The following THAP5 variants were observed in gnomAD, a reference collection of about 807,000 sequenced individuals.
THAP5 encodes the protein THAP domain containing 5.
THAP5 carries 26 observed loss-of-function variants against 34.0 expected under a neutral mutation model. That is an observed-to-expected ratio of 0.77 (90% confidence interval 0.56 to 1.06). THAP5 has a LOEUF of 1.06. THAP5 is among the 50% of genes least tolerant of loss of function. THAP5 has a pLI of 0.00. For synonymous variants in THAP5, 125 were observed against 153.0 expected (o/e 0.82, Z 1.35); for missense variants, 394 against 452.8 (o/e 0.87, Z 1.18).
chr7:108,549,930 T>C (rs1260397417), downstream of THAP5, among the ~76,000 whole-genome samples: 1 of 152,214 alleles, frequency 6.6e-6, no homozygotes, highest in East Asian at 1.9e-4. Context: ...GGGCCCTTCC[T>C]TCACCACCAG....
chr7:108,542,598 A>T, the THAP5 span, among the ~76,000 whole-genome samples: 300 of 151,444 alleles, frequency 2.0e-3, 11 homozygotes, highest in East Asian at 0.056. Flanking sequence ...GAGTAGCTGG[A>T]ATTACAGGCA....
chr7:108,564,337 GA>G lies in THAP5; in HGVS notation c.1041del (p.Leu348Ter), dbSNP rs774428500. The G allele has an allele frequency of 1.1e-5, 18 of 1,613,736 alleles. No homozygotes were observed. The highest frequency in any genetic ancestry group is 1.3e-5 in the Non-Finnish European group (15 of 1,179,886). Reference protein sequence around the residue: ...KVSKLHSKITLLELKEQQTLG... With the variant: ...KVSKLHSKITXLELKEQQTLG... ...AGAGTTTGTTGCTCTTTTAACTCTA[GA>G]AGAGTTATCTTTGAATGTAGCTTAG... is the stretch of plus-strand genomic sequence containing the variant. On this transcript the variant is annotated frameshift_variant, in exon 3 of 3. Transcript: ENST00000415914. LOFTEE classifies it high-confidence loss of function.
downstream of THAP5, among the ~76,000 whole-genome samples, chr7:108,549,826 G>T (rs1864342545): frequency 6.6e-6 from 1 of 152,104 alleles, no homozygotes; most frequent in Non-Finnish European, 1.5e-5. Context: ...CATCTTTGAA[G>T]AACTTTATGT....
chr7:108,559,563 A>G (rs1471354526), downstream of THAP5, among the ~76,000 whole-genome samples: 1 of 152,222 alleles, frequency 6.6e-6, no homozygotes, highest in Non-Finnish European at 1.5e-5. Context: ...TCTACAAAAG[A>G]GATTGTGAAT....
chr7:108,542,229 C>A, the THAP5 span, among the ~76,000 whole-genome samples: 1 of 152,158 alleles, frequency 6.6e-6, no homozygotes, highest in South Asian at 2.1e-4. Flanking sequence ...ACTTGAGTGG[C>A]ATTTTTCCAG....
chr7:108,553,714 G>T (rs1314515753), downstream of THAP5, among the ~76,000 whole-genome samples: 3 of 152,132 alleles, frequency 2.0e-5, no homozygotes, highest in African/African-American at 7.2e-5. Flanking sequence ...CGTAGTAGTG[G>T]CAGAGAACCT....
At position 108,564,848 on chromosome 7, in the gene THAP5, T is replaced by C. The variant is rs1275931473; in HGVS notation, c.531A>G (p.Glu177=). The C allele has an allele frequency of 6.2e-7, 1 of 1,612,372 alleles. No individual in the cohort carries two copies. Among genetic ancestry groups the C allele is most frequent in the Non-Finnish European group, 8.5e-7 (1 of 1,179,012 alleles). ...NLVKQHTGKP[E]STLETSVNQD... ...GGTTAACTGATGTTTCCAAGGTAGATTCTGGTTTCCCAGTATGTTGTTTAA... is the reference window on the plus strand; with the variant it reads ...GGTTAACTGATGTTTCCAAGGTAGACTCTGGTTTCCCAGTATGTTGTTTAA... Residue 177 remains glutamate (E), a synonymous_variant, in exon 3 of 3, where the codon GAA becomes GAG. Coordinates refer to ENST00000415914, the MANE Select transcript of THAP5 (RefSeq NM_001130475.3).
chr7:108,560,339 C>T (rs575033853), downstream of THAP5, among the ~76,000 whole-genome samples: 1 of 152,344 alleles, frequency 6.6e-6, no homozygotes, highest in South Asian at 2.1e-4. Context: ...CAAAGGGAAA[C>T]TGCTCCTTTT....
intron 1 of THAP5, 123 bp downstream of exon 1, chr7:108,569,367 G>A: frequency 6.6e-7 from 1 of 1,508,092 alleles, no homozygotes; most frequent in Non-Finnish European, 8.9e-7. Context: ...TGCCGCGGGC[G>A]ACGGGCCACG....
chr7:108,568,721 A>C (rs1450163405), intron 1 of THAP5: 1 of 153,320 alleles, frequency 6.5e-6, no homozygotes. Context: ...TGTGAGTACT[A>C]TTAACATCTC....
intron 1 of THAP5, among the ~76,000 whole-genome samples, chr7:108,556,838 T>C (rs1196762508): frequency 1.3e-5 from 2 of 152,248 alleles, no homozygotes; most frequent in Non-Finnish European, 2.9e-5. Flanking sequence ...ACATTTTCAC[T>C]GTGTGCTGCC....
rs1027797569 is a variant in THAP5 at position 108,569,615 on chromosome 7, G to A, written c.-46C>T. On this transcript the variant is annotated 5_prime_UTR_variant, in exon 1 of 3. Coordinates refer to ENST00000415914, the MANE Select transcript of THAP5 (RefSeq NM_001130475.3). ...AGACCGGGGCCGGCGACGGATGCAGGGCGGCCCTCCTCACTGAGGATGCGC... is the reference window on the plus strand; with the variant it reads ...AGACCGGGGCCGGCGACGGATGCAGAGCGGCCCTCCTCACTGAGGATGCGC... 1.5e-5 allele frequency: 23 copies of A among 1,547,268 alleles called. No homozygotes were observed. Among genetic ancestry groups the A allele is most frequent in the Admixed American group, 5.9e-5 (3 of 50,994 alleles).
intron 1 of THAP5, among the ~76,000 whole-genome samples, chr7:108,555,535 G>C (rs1011080645): frequency 1.3e-5 from 2 of 152,026 alleles, no homozygotes; most frequent in African/African-American, 4.8e-5. Flanking sequence ...TGTTGTATTA[G>C]TCTGTGTTCA....
downstream of THAP5, among the ~76,000 whole-genome samples, chr7:108,559,410 GA>G (rs1277362760): frequency 6.6e-6 from 1 of 152,178 alleles, no homozygotes; most frequent in African/African-American, 2.4e-5. Context: ...AGTGATGCAG[GA>G]GAACAAAGGG....
At chr7:108,559,446 A>G (rs1864410942), downstream of THAP5, among the ~76,000 whole-genome samples, 1 of 152,222 alleles carries the variant, frequency 6.6e-6, no homozygotes, top group Non-Finnish European at 1.5e-5. Context: ...TAGACATTGC[A>G]TACTATTCGT....
Position 108,564,865 on chromosome 7 carries a change from G to C in THAP5, c.514C>G (p.His172Asp). 2 of 1,609,716 alleles carry C rather than the reference G, an allele frequency of 1.2e-6. No individual in the cohort carries two copies. Among genetic ancestry groups the C allele is most frequent in the South Asian group, 2.2e-5 (2 of 90,580 alleles). Residue 172 changes from histidine to aspartate, a missense_variant, in exon 3 of 3, where the codon CAT (histidine) becomes GAT (aspartate). Coordinates refer to ENST00000415914, the MANE Select transcript of THAP5 (RefSeq NM_001130475.3). ...NMLTLNLVKQ[H>D]TGKPESTLET... The stretch of plus-strand genomic sequence containing the variant: ...AAGGTAGATTCTGGTTTCCCAGTAT[G>C]TTGTTTAACTAGATTAAGAGTTAAC...
At chr7:108,560,534 A>G (rs1038330787), downstream of THAP5, among the ~76,000 whole-genome samples, 4 of 152,230 alleles carry the variant, frequency 2.6e-5, no homozygotes, top group Non-Finnish European at 4.4e-5. Context: ...GAAATCTGGA[A>G]TTTAAAAACC....
In THAP5 at chr7:108,564,580, T is replaced by G. The variant is rs371253956; in HGVS notation, c.799A>C (p.Asn267His). The G allele has an allele frequency of 1.2e-5, 20 of 1,613,770 alleles. No individual in the cohort carries two copies. The African/African-American group carries it at 2.7e-4, about 22-fold the overall frequency. The change falls in exon 3 of 3, where the codon AAT becomes CAT. Residue 267 changes from asparagine to histidine, a missense_variant. Coordinates refer to ENST00000415914, the MANE Select transcript of THAP5 (RefSeq NM_001130475.3). ...INQTVEELNTNKESVIAIFVP... is the reference protein window; with the variant it reads ...INQTVEELNTHKESVIAIFVP... ...AAAATGGCAATAACAGATTCTTTAT[T>G]TGTGTTTAATTCTTCAACTGTTTGA...
chr7:108,565,999 CTT>C lies in THAP5; in HGVS notation c.102_103del (p.Arg35ThrfsTer17). The C allele has an allele frequency of 6.5e-7, 1 of 1,527,910 alleles. No individual in the cohort carries two copies. Among genetic ancestry groups the C allele is most frequent in the African/African-American group, 1.4e-5 (1 of 71,502 alleles). 94.6% of individuals were successfully genotyped at this position (1,527,910 alleles called of 1,614,324 possible). A position where few individuals can be genotyped will look rare whatever the true frequency, so the allele number is the denominator to read the frequency against. ...CATATTCTTTAACCACTTTTCCAGT[CTT>C]TCTTTGTCATGTAGAGGAAATCTGG... is the stretch of plus-strand genomic sequence containing the variant. On this transcript the variant is annotated frameshift_variant, in exon 2 of 3. Coordinates refer to ENST00000415914, the MANE Select transcript of THAP5 (RefSeq NM_001130475.3). LOFTEE classifies it high-confidence loss of function.
Sources: gnomAD v4.1 joint callset for allele counts (sites outside exome capture counted in the v4.1 genomes callset) on GRCh38, gnomAD v4.1.1 for gene constraint, MANE v1.5 for transcripts, NCBI Gene and HGNC (gene_info 2026-07-23, HGNC 2026-07-21) for gene names.